FGGY: variants seen among roughly 807,000 people sequenced by gnomAD.
The protein encoded by FGGY is FGGY carbohydrate kinase domain containing, also known as FGGY carbohydrate kinase domain-containing protein.
FGGY carries 72 observed loss-of-function variants against 71.3 expected under a neutral mutation model. The ratio of observed to expected loss-of-function variants is 1.01; its 90% CI spans 0.84 to 1.23. FGGY has a LOEUF of 1.23. Among genes scored for constraint, FGGY ranks in the 50% most tolerant of loss-of-function variants. The pLI, the probability that FGGY is intolerant of heterozygous loss-of-function variation, is 0.00. For missense variants in FGGY, 668 were observed against 682.3 expected, an observed-to-expected ratio of 0.98 and a Z score of 0.23; for synonymous variants, 251 against 250.3, an observed-to-expected ratio of 1.00 and a Z score of -0.02.
At position 59,607,843 on chromosome 1, in the gene FGGY, C is replaced by T. The variant is rs1397215141; in HGVS notation, c.944C>T (p.Pro315Leu). Residue 315 changes from proline (P) to leucine (L), a missense_variant, in exon 9 of 16, where the codon CCT becomes CTT. Transcript: ENST00000303721. ...ATTTTTGTACCAGGCGTCTGGGGGC[C>T]TTATTTCTCAGCCATGGTACCTGGG... ...DPIFVPGVWG[P>L]YFSAMVPGFW... The T allele has an allele frequency of 2.5e-6, 4 of 1,614,010 alleles. No homozygotes were observed. Among genetic ancestry groups the T allele is most frequent in the Middle Eastern group, 1.6e-4 (1 of 6,062 alleles).
chr1:59,403,406 A>G (rs1229853121), intron 5 of FGGY, among the ~76,000 whole-genome samples: 4 of 152,192 alleles, frequency 2.6e-5, no homozygotes, highest in Admixed American at 2.0e-4. Flanking sequence ...CACTGAGCAG[A>G]AAGCAGACTC....
At chr1:59,355,593 T>C (rs1157025566) in intron 4 of FGGY, among the ~76,000 whole-genome samples, 1 of 152,040 alleles carries the variant, frequency 6.6e-6, no homozygotes, top group Non-Finnish European at 1.5e-5. Context: ...AAAAGCAACA[T>C]GCTAGGGACT....
At chr1:59,408,306 G>A (rs533145044) in intron 5 of FGGY, among the ~76,000 whole-genome samples, 9 of 152,114 alleles carry the variant, frequency 5.9e-5, no homozygotes, top group Non-Finnish European at 1.0e-4. Context: ...ACATTTCTAA[G>A]CAACCTAGAA....
chr1:59,576,032 G>A (rs929124775), intron 8 of FGGY, among the ~76,000 whole-genome samples: 3 of 151,996 alleles, frequency 2.0e-5, no homozygotes, highest in Non-Finnish European at 4.4e-5. Flanking sequence ...TTGTCTAATT[G>A]TGTTTGCTAG....
chr1:59,388,459 G>C (rs1332386721), intron 5 of FGGY, among the ~76,000 whole-genome samples: 1 of 152,104 alleles, frequency 6.6e-6, no homozygotes, highest in African/African-American at 2.4e-5. Flanking sequence ...TCTCTGAGTG[G>C]AGAGAGGAGG....
chr1:59,444,082 CA>C (rs912601669), intron 5 of FGGY, among the ~76,000 whole-genome samples: 7 of 152,146 alleles, frequency 4.6e-5, no homozygotes, highest in African/African-American at 1.7e-4. Flanking sequence ...AAGGCAGGAG[CA>C]AACCCAAGGG....
intron 5 of FGGY, among the ~76,000 whole-genome samples, chr1:59,421,534 A>C (rs1481388349): frequency 7.8e-4 from 79 of 101,424 alleles, no homozygotes; most frequent in Middle Eastern, 6.0e-3. Context: ...TCCTTCCCTC[A>C]CTCCCTTTTC....
At chr1:59,560,772 G>A (rs946834116) in intron 8 of FGGY, among the ~76,000 whole-genome samples, 2 of 152,154 alleles carry the variant, frequency 1.3e-5, no homozygotes, top group African/African-American at 4.8e-5. Context: ...AACTACTATA[G>A]TTAATGCATG....
intron 14 of FGGY, among the ~76,000 whole-genome samples, chr1:59,720,316 C>CAAGTATGTCA (rs1558899730): frequency 6.6e-6 from 1 of 152,124 alleles, no homozygotes. Context: ...CATTGAAAGC[C>CAAGTATGTCA]AAGTATGTCA....
At chr1:59,330,460 T>A (rs1306389711) in intron 2 of FGGY, among the ~76,000 whole-genome samples, 5 of 150,994 alleles carry the variant, frequency 3.3e-5, no homozygotes, top group Non-Finnish European at 7.4e-5. Flanking sequence ...TCCCAACTAC[T>A]GAGGAGGCTG....
At chr1:59,511,582 C>G (rs533436220) in intron 6 of FGGY, among the ~76,000 whole-genome samples, 19 of 152,260 alleles carry the variant, frequency 1.2e-4, no homozygotes, top group African/African-American at 4.6e-4. Flanking sequence ...CTGCTTTTCA[C>G]AGCCCCACAG....
intron 6 of FGGY, among the ~76,000 whole-genome samples, chr1:59,468,051 G>A (rs1186687058): frequency 6.6e-6 from 1 of 151,996 alleles, no homozygotes; most frequent in African/African-American, 2.4e-5. Flanking sequence ...TTACAGGCAT[G>A]CGCCACCATA....
At chr1:59,624,387 C>T (rs6674779) in intron 9 of FGGY, among the ~76,000 whole-genome samples, 11,613 of 152,132 alleles carry the variant, frequency 0.076, 1,199 homozygotes, top group African/African-American at 0.24. Flanking sequence ...AGTATCTTCT[C>T]CATAGGAGTG....
chr1:59,504,760 T>A (rs925205905), intron 6 of FGGY, among the ~76,000 whole-genome samples: 13 of 152,262 alleles, frequency 8.5e-5, no homozygotes, highest in African/African-American at 2.9e-4. Context: ...AGATCAAGAG[T>A]TAAACTTAAT....
At chr1:59,435,749 T>C (rs1216529086) in intron 5 of FGGY, among the ~76,000 whole-genome samples, 1 of 61,396 alleles carries the variant, frequency 1.6e-5, no homozygotes, top group Non-Finnish European at 3.1e-5. Flanking sequence ...TGCCTGCGTG[T>C]GTGTGTGTGT....
intron 4 of FGGY, among the ~76,000 whole-genome samples, chr1:59,357,778 A>G (rs982535540): frequency 6.6e-6 from 1 of 152,210 alleles, no homozygotes; most frequent in Non-Finnish European, 1.5e-5. Context: ...AAATGAATTC[A>G]TGTCCCCTGG....
intron 6 of FGGY, among the ~76,000 whole-genome samples, chr1:59,488,870 T>C (rs914948503): frequency 1.3e-5 from 2 of 152,086 alleles, no homozygotes; most frequent in African/African-American, 4.8e-5. Flanking sequence ...GTGTATATTG[T>C]CAAGTTTCTT....
intron 14 of FGGY, among the ~76,000 whole-genome samples, chr1:59,747,409 A>T (rs1040001037): frequency 1.3e-5 from 2 of 152,184 alleles, no homozygotes; most frequent in Non-Finnish European, 2.9e-5. Flanking sequence ...CCATGACTGA[A>T]TCGGAATGAA....
intron 11 of FGGY, chr1:59,641,208 C>A: frequency 8.3e-7 from 1 of 1,211,918 alleles, no homozygotes; most frequent in Non-Finnish European, 1.2e-6. Flanking sequence ...GTATCATTGT[C>A]TAACCAATGA....
Sources: allele counts gnomAD v4.1 joint callset (sites outside exome capture counted in the v4.1 genomes callset), GRCh38; gene constraint gnomAD v4.1.1; transcripts MANE v1.5; gene names NCBI Gene and HGNC (gene_info 2026-07-23, HGNC 2026-07-21).